VWA8: variants seen among roughly 807,000 people sequenced by gnomAD.
VWA8 encodes the protein von Willebrand factor A domain-containing protein 8.
VWA8 carries 221 observed loss-of-function variants against 241.5 expected under a neutral mutation model. That is an observed-to-expected ratio of 0.91 (90% CI 0.82 to 1.02). The LOEUF (loss-of-function observed/expected upper bound fraction) is 1.02. Ranked by LOEUF, VWA8 falls within the 50% of genes least tolerant of loss-of-function variation. The probability of loss-of-function intolerance (pLI) is 0.00; values close to 1 mark genes in which losing one functional copy is unlikely to be tolerated. For missense variants in VWA8, 2,322 were observed against 2,328.7 expected (o/e 1.00, Z 0.06); for synonymous variants, 852 against 827.1 (o/e 1.03, Z -0.52).
rs149543494 is a variant in VWA8, at chr13:41,586,023, G to A, written c.5271+1489C>T. Among the ~76,000 whole-genome samples the A allele has an allele frequency of 4.6e-5, 7 of 152,112 alleles. 1 individual carries two copies. The highest frequency in any genetic ancestry group is 1.4e-4 in the African/African-American group (6 of 41,514). ...TTTTAATACATTAGGTAGGATATGG[G>A]TATTTATGCTGATACAATAGATGTC... On this transcript the variant is annotated intron_variant, in intron 42 of 44. Transcript: ENST00000379310.
At chr13:41,687,451 T>C (rs986960957) in intron 34 of VWA8, among the ~76,000 whole-genome samples, 1 of 152,108 alleles carries the variant, frequency 6.6e-6, no homozygotes, top group Non-Finnish European at 1.5e-5. Flanking sequence ...TAATAAGAGG[T>C]AGCATACTCA....
intron 13 of VWA8, among the ~76,000 whole-genome samples, chr13:41,832,767 T>G (rs1000462388): frequency 1.3e-5 from 2 of 152,168 alleles, no homozygotes; most frequent in Admixed American, 1.3e-4. Flanking sequence ...TCTCTTAACA[T>G]TAAATTCTAG....
chr13:41,706,675 T>C (rs1469526998), intron 26 of VWA8, among the ~76,000 whole-genome samples: 1 of 152,218 alleles, frequency 6.6e-6, no homozygotes, highest in Non-Finnish European at 1.5e-5. Context: ...ATTTGAAACA[T>C]AATCAACATT....
chr13:41,584,411 G>C (rs530039867), intron 42 of VWA8, among the ~76,000 whole-genome samples: 56 of 152,274 alleles, frequency 3.7e-4, no homozygotes, highest in African/African-American at 1.3e-3. Context: ...ACACGATGAG[G>C]AGTTTGCAGG....
chr13:41,781,976 G>A (rs902750228), intron 19 of VWA8, among the ~76,000 whole-genome samples: 1 of 152,220 alleles, frequency 6.6e-6, no homozygotes, highest in Non-Finnish European at 1.5e-5. Context: ...AAATCTGCAA[G>A]AGGCACTGAC....
intron 12 of VWA8, among the ~76,000 whole-genome samples, chr13:41,854,243 T>G (rs984855147): frequency 6.6e-6 from 1 of 152,090 alleles, no homozygotes; most frequent in Admixed American, 6.6e-5. Flanking sequence ...GGTTAAAATT[T>G]TAAAAATATC....
intron 9 of VWA8, 120 bp from the exon 10 acceptor site, chr13:41,868,597 A>G: frequency 7.9e-7 from 1 of 1,264,528 alleles, no homozygotes; most frequent in Non-Finnish European, 1.1e-6. Context: ...ATAAAAGTAG[A>G]GGTTAGGCCA....
At chr13:41,797,571 A>G (rs575434568) in intron 17 of VWA8, among the ~76,000 whole-genome samples, 1 of 152,206 alleles carries the variant, frequency 6.6e-6, no homozygotes, top group Admixed American at 6.5e-5. Context: ...TGATTTGTCA[A>G]TTTCTCCTGT....
At chr13:41,577,180 C>T (rs1440200239) in intron 42 of VWA8, among the ~76,000 whole-genome samples, 1 of 152,206 alleles carries the variant, frequency 6.6e-6, no homozygotes, top group African/African-American at 2.4e-5. Flanking sequence ...CCCATAGACA[C>T]CTCACCTCAT....
At chr13:41,876,275 T>C (rs1378538394) in intron 9 of VWA8, among the ~76,000 whole-genome samples, 2 of 152,102 alleles carry the variant, frequency 1.3e-5, no homozygotes, top group Non-Finnish European at 2.9e-5. Context: ...AACCCTCTAA[T>C]GGTGTTCCAC....
At chr13:41,911,887 C>A (rs1876016667) in intron 3 of VWA8, 151 bp downstream of exon 3, 1 of 1,035,806 alleles carries the variant, frequency 9.7e-7, no homozygotes, top group East Asian at 3.3e-5. Flanking sequence ...ATAACTTATG[C>A]CAAACACTTT....
intron 43 of VWA8, among the ~76,000 whole-genome samples, chr13:41,572,248 C>T (rs888909233): frequency 7.9e-5 from 12 of 152,020 alleles, no homozygotes; most frequent in African/African-American, 1.9e-4. Flanking sequence ...CCGGCTGCCC[C>T]GTCTGGGAAG....
chr13:41,883,305 G>A, intron 9 of VWA8, 82 bp downstream of exon 9: 2 of 1,074,196 alleles, frequency 1.9e-6, no homozygotes, highest in South Asian at 1.4e-5. Flanking sequence ...GAAAGGTGGG[G>A]AAAGGAGTGA....
intron 18 of VWA8, among the ~76,000 whole-genome samples, chr13:41,785,921 C>T (rs886314080): frequency 6.6e-6 from 1 of 152,032 alleles, no homozygotes; most frequent in African/African-American, 2.4e-5. Flanking sequence ...GTTTAGTTTA[C>T]GGAATACATC....
intron 10 of VWA8, among the ~76,000 whole-genome samples, chr13:41,866,890 C>G (rs1873337749): frequency 6.6e-6 from 1 of 152,150 alleles, no homozygotes; most frequent in African/African-American, 2.4e-5. Flanking sequence ...TCTTTTACAT[C>G]TACTTCTCAT....
chr13:41,728,925 AC>A lies in VWA8; in HGVS notation c.2638+616del, dbSNP rs1369912192. Among the ~76,000 whole-genome samples, 40 of 152,110 alleles carry A rather than the reference AC, an allele frequency of 2.6e-4. 1 individual carries two copies. Among genetic ancestry groups the A allele is most frequent in the Admixed American group, 2.6e-3 (39 of 15,274 alleles). ...TTATAGATTTTCAAGTCCTTTCAGG[AC>A]ACAAACATTTTAAATGTGAAATTAG... is the stretch of plus-strand genomic sequence containing the variant. On this transcript the variant is annotated intron_variant, in intron 23 of 44. Coordinates refer to ENST00000379310, the MANE Select transcript of VWA8 (RefSeq NM_015058.2).
intron 2 of VWA8, among the ~76,000 whole-genome samples, chr13:41,936,772 A>G (rs1877371315): frequency 6.6e-6 from 1 of 152,218 alleles, no homozygotes; most frequent in Admixed American, 6.5e-5. Context: ...CACAAAAAAG[A>G]TAACTATGTG....
chr13:41,876,427 C>T (rs73185325), intron 9 of VWA8, among the ~76,000 whole-genome samples: 1,666 of 152,154 alleles, frequency 0.011, 11 homozygotes, highest in Non-Finnish European at 0.016. Flanking sequence ...TCCTACAGTT[C>T]CCAGGTGTGC....
At chr13:41,690,850 C>G (rs2045172063) in intron 32 of VWA8, among the ~76,000 whole-genome samples, 1 of 152,004 alleles carries the variant, frequency 6.6e-6, no homozygotes, top group Non-Finnish European at 1.5e-5. Context: ...CTGCACAGTC[C>G]AATGGGTCAG....
Sources: allele counts gnomAD v4.1 joint callset (sites outside exome capture counted in the v4.1 genomes callset), GRCh38; gene constraint gnomAD v4.1.1; transcripts MANE v1.5; gene names NCBI Gene and HGNC (gene_info 2026-07-23, HGNC 2026-07-21).